The following TRPM6 variants were observed in gnomAD, a reference collection of about 807,000 sequenced individuals.
TRPM6 encodes the protein transient receptor potential cation channel subfamily M member 6.
In TRPM6, 111 loss-of-function variants were observed where a neutral mutation model predicts 247.6. That is an observed-to-expected ratio of 0.45 (90% confidence interval 0.38 to 0.52). TRPM6 has a LOEUF of 0.52. Among genes scored for constraint, TRPM6 ranks in the 20% least tolerant of loss-of-function variants. The probability of loss-of-function intolerance (pLI) is 0.00; values close to 1 mark genes in which losing one functional copy is unlikely to be tolerated. For missense variants in TRPM6, 2,126 were observed against 2,421.5 expected (o/e 0.88, Z 2.56); for synonymous variants, 892 against 853.8 (o/e 1.04, Z -0.78).
chr9:74,789,977 A>AG (rs1337276330), intron 19 of TRPM6, among the ~76,000 whole-genome samples: 2 of 147,296 alleles, frequency 1.4e-5, no homozygotes, highest in East Asian at 2.0e-4. Flanking sequence ...AAAAAAAAAA[A>AG]AAAAAAAAGA....
chr9:74,749,347 A>G (rs1283023060), intron 30 of TRPM6, among the ~76,000 whole-genome samples: 2 of 152,214 alleles, frequency 1.3e-5, no homozygotes, highest in Admixed American at 6.5e-5. Context: ...TGAGCACCAG[A>G]TATGTATGTA....
chr9:74,820,228 T>C, intron 9 of TRPM6, 76 bp downstream of exon 9: 1 of 1,517,532 alleles, frequency 6.6e-7, no homozygotes, highest in East Asian at 2.3e-5. Flanking sequence ...TTTTTTTTAA[T>C]TGTGAAAATA....
intron 19 of TRPM6, among the ~76,000 whole-genome samples, chr9:74,791,186 A>G (rs969411064): frequency 3.3e-5 from 5 of 152,218 alleles, no homozygotes; most frequent in Non-Finnish European, 7.3e-5. Flanking sequence ...AGTCTTTCGT[A>G]TATGTTGTTG....
At chr9:74,887,484 T>C in intron 1 of TRPM6, 1 of 990,980 alleles carries the variant, frequency 1.0e-6, no homozygotes, top group South Asian at 1.5e-5. Flanking sequence ...GAATCAGAGC[T>C]GCCTCCTCTC....
At chr9:74,869,056 T>C (rs1830943714) in intron 1 of TRPM6, among the ~76,000 whole-genome samples, 1 of 152,098 alleles carries the variant, frequency 6.6e-6, no homozygotes, top group African/African-American at 2.4e-5. Flanking sequence ...ACATACTTAA[T>C]ACTAAAAAGA....
intron 24 of TRPM6, among the ~76,000 whole-genome samples, chr9:74,772,875 T>A (rs1027069621): frequency 6.6e-6 from 1 of 152,128 alleles, no homozygotes; most frequent in Non-Finnish European, 1.5e-5. Flanking sequence ...GTTTCCTCTC[T>A]CGGCTTTGGA....
chr9:74,821,530 A>G, intron 8 of TRPM6, 139 bp downstream of exon 8: 1 of 1,021,488 alleles, frequency 9.8e-7, no homozygotes, highest in Non-Finnish European at 1.5e-6. Context: ...AACAACAAAC[A>G]CAGTCACTGA....
At chr9:74,764,663 A>C (rs1285464182) in intron 25 of TRPM6, among the ~76,000 whole-genome samples, 1 of 152,260 alleles carries the variant, frequency 6.6e-6, no homozygotes, top group Non-Finnish European at 1.5e-5. Flanking sequence ...TAATGCAGCT[A>C]TCTAAACTTC....
intron 30 of TRPM6, among the ~76,000 whole-genome samples, chr9:74,749,538 G>A (rs764588905): frequency 3.9e-5 from 6 of 152,112 alleles, no homozygotes; most frequent in Non-Finnish European, 8.8e-5. Context: ...AATGTCTCTG[G>A]ACAAGCCTAC....
intron 1 of TRPM6, among the ~76,000 whole-genome samples, chr9:74,873,813 CT>C (rs1358580206): frequency 2.0e-5 from 3 of 151,532 alleles, no homozygotes; most frequent in African/African-American, 7.3e-5. Context: ...ATCTTTGAGA[CT>C]TTTATTGTAA....
chr9:74,847,030 C>T (rs1830132414), intron 3 of TRPM6, among the ~76,000 whole-genome samples: 1 of 152,152 alleles, frequency 6.6e-6, no homozygotes, highest in African/African-American at 2.4e-5. Flanking sequence ...ACCTTGAGTA[C>T]ACAGACGAGG....
At chr9:74,772,006 G>C (rs145746644) in intron 24 of TRPM6, among the ~76,000 whole-genome samples, 171 bp from the exon 25 acceptor site, 12 of 152,348 alleles carry the variant, frequency 7.9e-5, no homozygotes, top group Non-Finnish European at 1.8e-4. Context: ...AAACAACTGG[G>C]AGCTGGGCGC....
intron 25 of TRPM6, among the ~76,000 whole-genome samples, chr9:74,769,715 G>C (rs1450954890): frequency 1.3e-5 from 2 of 149,466 alleles, no homozygotes; most frequent in Non-Finnish European, 3.0e-5. Flanking sequence ...CCAAGATCAC[G>C]CCGTGGCACT....
intron 24 of TRPM6, among the ~76,000 whole-genome samples, chr9:74,775,646 G>A (rs1293077797): frequency 6.6e-6 from 1 of 152,106 alleles, no homozygotes; most frequent in African/African-American, 2.4e-5. Context: ...CAATCAAGCA[G>A]AGATTCTCTT....
In TRPM6 at chr9:74,887,307, G is replaced by C. The variant is rs552284882; in HGVS notation, c.33+517C>G. The C allele has an allele frequency of 4.4e-6, 6 of 1,370,830 alleles. No individual in the cohort carries two copies. The East Asian group carries it at 1.6e-4, about 36-fold the overall frequency. The allele number at this position is 1,370,830 out of a possible 1,614,324, so 84.9% of individuals were successfully genotyped here. A position where few individuals can be genotyped will look rare whatever the true frequency, so the allele number is the denominator to read the frequency against. ...GCACGGGGACGCGCAGGGGCGCGGA[G>C]GGACGGCCGTCTGGGCACTTCTCCA... On this transcript the variant is annotated intron_variant, in intron 1 of 38. Coordinates refer to ENST00000360774, the MANE Select transcript of TRPM6 (RefSeq NM_017662.5).
chr9:74,864,067 C>G (rs1830772949), intron 1 of TRPM6, among the ~76,000 whole-genome samples: 1 of 152,116 alleles, frequency 6.6e-6, no homozygotes, highest in South Asian at 2.1e-4. Context: ...CCTGCATTCT[C>G]TCTTACACAC....
At chr9:74,768,754 C>T (rs955813008) in intron 25 of TRPM6, among the ~76,000 whole-genome samples, 7 of 152,242 alleles carry the variant, frequency 4.6e-5, no homozygotes, top group African/African-American at 1.7e-4. Flanking sequence ...GCACTATTCT[C>T]TCAAATGGTC....
intron 4 of TRPM6, among the ~76,000 whole-genome samples, chr9:74,840,828 C>CAAA (rs371038378): frequency 1.8e-5 from 2 of 108,388 alleles, no homozygotes; most frequent in African/African-American, 8.3e-5. Flanking sequence ...GACTCTGTCT[C>CAAA]AAAAAAAAAA....
Position 74,744,308 on chromosome 9 carries a change from G to A in TRPM6, c.5084-163C>T, listed in dbSNP as rs964051072. ...ATTTTTTAACCACAGTATTGCGCAT[G>A]GTATCCTGACAGCTTCCAATCATCA... On this transcript the variant is annotated intron_variant, in intron 31 of 38. Transcript: ENST00000360774. 6 of 718,266 alleles carry A rather than the reference G, an allele frequency of 8.4e-6. No individual in the cohort carries two copies. In the Admixed American group the frequency reaches 1.0e-4, roughly 12 times the overall value. 44.5% of individuals were successfully genotyped at this position (718,266 alleles called of 1,614,324 possible). A position where few individuals can be genotyped will look rare whatever the true frequency, so the allele number is the denominator to read the frequency against.
Sources: gnomAD v4.1 joint callset for allele counts (sites outside exome capture counted in the v4.1 genomes callset) on GRCh38, gnomAD v4.1.1 for gene constraint, MANE v1.5 for transcripts, NCBI Gene and HGNC (gene_info 2026-07-23, HGNC 2026-07-21) for gene names.